KIR3DL2: variants seen among roughly 807,000 people sequenced by gnomAD.
The protein encoded by KIR3DL2 is killer cell immunoglobulin like receptor, three Ig domains and long cytoplasmic tail 2, also known as killer cell immunoglobulin-like receptor 3DL2.
KIR3DL2 carries 42 observed loss-of-function variants against 41.6 expected under a neutral mutation model. The ratio of observed to expected loss-of-function variants is 1.01; its 90% CI spans 0.79 to 1.31. KIR3DL2 has a LOEUF of 1.31. Ranked by LOEUF, KIR3DL2 falls within the 50% of genes most tolerant of loss-of-function variation. The pLI is 0.00. For synonymous variants in KIR3DL2, 230 were observed against 221.3 expected (o/e 1.04, Z -0.35); for missense variants, 728 against 576.8 (o/e 1.26, Z -2.68).
chr19:54,864,442 T>C (rs1314990749), intron 6 of KIR3DL2, among the ~76,000 whole-genome samples: 1 of 152,152 alleles, frequency 6.6e-6, no homozygotes, highest in Non-Finnish European at 1.5e-5. Flanking sequence ...ATAAATTACC[T>C]TGGGCAGTAT....
At chr19:54,854,442 T>C (rs2064568029) in intron 4 of KIR3DL2, among the ~76,000 whole-genome samples, 1 of 151,934 alleles carries the variant, frequency 6.6e-6, no homozygotes, top group East Asian at 1.9e-4. Context: ...ATTTCTGACC[T>C]GAGTTGGGCC....
intron 6 of KIR3DL2, among the ~76,000 whole-genome samples, chr19:54,862,802 C>CTTTTTTTTTTTTTTTTTT (rs1210198153): frequency 1.1e-4 from 9 of 79,774 alleles, no homozygotes; most frequent in African/African-American, 2.0e-4. Flanking sequence ...TGGGTTACTT[C>CTTTTTTTTTTTTTTTTTT]TTTTTTTTTT....
Position 54,867,061 on chromosome 19 carries a change from C to T in KIR3DL2, c.*330C>T, listed in dbSNP as rs1433306973. The T allele has an allele frequency of 5.4e-6, 2 of 367,016 alleles. No homozygotes were observed. The highest frequency in any genetic ancestry group is 8.9e-5 in the Admixed American group (2 of 22,456). 22.7% of individuals were successfully genotyped at this position (367,016 alleles called of 1,614,324 possible). Reference sequence around the variant, plus strand: ...CAAGAGGCTCCCTCTTAACACGGCACTTACACACTTGCTGTTCCACCTTCC... The same window carrying T: ...CAAGAGGCTCCCTCTTAACACGGCATTTACACACTTGCTGTTCCACCTTCC... On this transcript the variant is annotated 3_prime_UTR_variant, in exon 9 of 9. Transcript: ENST00000326321.
chr19:54,866,235 A>C (rs1199903542), intron 7 of KIR3DL2, 135 bp from the exon 8 acceptor site: 3 of 851,944 alleles, frequency 3.5e-6, no homozygotes, highest in Non-Finnish European at 5.7e-6. Context: ...AGAGAGATAG[A>C]ATGTCTGAGT....
chr19:54,855,912 G>A lies in KIR3DL2; in HGVS notation c.949G>A (p.Gly317Arg). The change falls in exon 5 of 9, where the codon GGA (glycine) becomes AGA (arginine). Residue 317 changes from glycine to arginine, a missense_variant and splice_region_variant. Physicochemically the swap from Gly to Arg is moderately radical, Grantham distance 125. Transcript: ENST00000326321. ...SSDPLLVSVT[G>R]NPSSSWPSPT... Reference sequence around the variant, plus strand: ...TGACCCACTGCTTGTTTCTGTCACAGGTGAGGAAAACCCGTGTCTGTCCCA... The same window carrying A: ...TGACCCACTGCTTGTTTCTGTCACAAGTGAGGAAAACCCGTGTCTGTCCCA... 1 of 1,613,514 alleles carries A rather than the reference G, an allele frequency of 6.2e-7. No homozygotes were observed.
At chr19:54,853,371 C>CA (rs142270272) in intron 3 of KIR3DL2, among the ~76,000 whole-genome samples, 12,823 of 128,206 alleles carry the variant, frequency 0.1, no homozygotes, top group South Asian at 0.19. Context: ...GAGTTGATAC[C>CA]TCTGCCAGAG....
In KIR3DL2 at chr19:54,866,800, A is replaced by G. The variant is rs2915991; in HGVS notation, c.*69A>G. On this transcript the variant is annotated 3_prime_UTR_variant, in exon 9 of 9. Coordinates refer to ENST00000326321, the MANE Select transcript of KIR3DL2 (RefSeq NM_006737.4). ...GAACCAGCAGCTGGAATCTGAAGGC[A>G]TCAGTCTGCATCTTAGGGGATCGCT... 56,148 of 1,498,144 alleles carry G rather than the reference A, an allele frequency of 0.037. 1,496 individuals carry two copies. Among genetic ancestry groups the G allele is most frequent in the East Asian group, 0.11 (4,992 of 44,176 alleles). 92.8% of individuals were successfully genotyped at this position (1,498,144 alleles called of 1,614,324 possible).
chr19:54,853,846 A>G lies in KIR3DL2; in HGVS notation c.455A>G (p.His152Arg). Residue 152 changes from histidine (H) to arginine (R), a missense_variant, in exon 4 of 9, where the codon CAC becomes CGC. His to Arg is a conservative substitution (Grantham distance 29). Coordinates refer to ENST00000326321, the MANE Select transcript of KIR3DL2 (RefSeq NM_006737.4). Reference sequence around the variant, plus strand: ...TGTTGGTCAGATGTCATGTTTGAGCACTTCTTTCTGCACAGAGAGGGGATC... The same window carrying G: ...TGTTGGTCAGATGTCATGTTTGAGCGCTTCTTTCTGCACAGAGAGGGGATC... The part of the protein sequence containing the change: ...LQCWSDVMFE[H>R]FFLHREGISE... The G allele has an allele frequency of 6.2e-7, 1 of 1,613,292 alleles. No individual in the cohort carries two copies. The highest frequency in any genetic ancestry group is 8.5e-7 in the Non-Finnish European group (1 of 1,179,742).
At chr19:54,866,041 C>T in intron 7 of KIR3DL2, 132 bp downstream of exon 7, 1 of 857,190 alleles carries the variant, frequency 1.2e-6, no homozygotes. Flanking sequence ...GCAGGGCTTT[C>T]TAGAGAGAGC....
Position 54,866,587 on chromosome 19 carries a change from G to C in KIR3DL2, c.1224G>C (p.Gln408His). The change falls in exon 9 of 9, where the codon CAG (glutamine) becomes CAC (histidine). Residue 408 changes from glutamine (Q) to histidine (H), a missense_variant. Physicochemically the swap from Gln to His is conservative, Grantham distance 24 (BLOSUM62 0). Transcript: ENST00000326321. ...AGTTGGATCACTGCGTTTTCATACAGAGAAAAATCAGTCGCCCTTCTCAGA... is the reference window on the plus strand; with the variant it reads ...AGTTGGATCACTGCGTTTTCATACACAGAAAAATCAGTCGCCCTTCTCAGA... ...YAQLDHCVFIQRKISRPSQRP... is the reference protein window; with the variant it reads ...YAQLDHCVFIHRKISRPSQRP... 6.2e-7 allele frequency: 1 copy of C among 1,614,006 alleles called. No homozygotes were observed. The highest frequency in any genetic ancestry group is 2.2e-5 in the East Asian group (1 of 44,882).
At chr19:54,864,172 T>C (rs1194199237) in intron 6 of KIR3DL2, among the ~76,000 whole-genome samples, 1 of 152,090 alleles carries the variant, frequency 6.6e-6, no homozygotes, top group Non-Finnish European at 1.5e-5. Context: ...GTTGTAGATA[T>C]GTGGCATTAT....
intron 7 of KIR3DL2, among the ~76,000 whole-genome samples, 170 bp from the exon 8 acceptor site, chr19:54,866,200 C>A (rs1435438329): frequency 1.3e-5 from 2 of 152,032 alleles, no homozygotes; most frequent in Non-Finnish European, 2.9e-5. Flanking sequence ...ATTGAGAGCA[C>A]TTCATGGGAT....
intron 3 of KIR3DL2, among the ~76,000 whole-genome samples, chr19:54,853,081 G>A (rs1372899583): frequency 4.0e-5 from 6 of 151,254 alleles, no homozygotes; most frequent in Non-Finnish European, 7.4e-5. Flanking sequence ...CTGCACTCCA[G>A]CCTGGGTGAA....
At chr19:54,850,961 T>TGGAGTGGAGATAG (rs2064172701) in intron 1 of KIR3DL2, among the ~76,000 whole-genome samples, 2 of 118,174 alleles carry the variant, frequency 1.7e-5, no homozygotes, top group East Asian at 2.9e-4. Context: ...AGTGGAGATA[T>TGGAGTGGAGATAG]GGGCCTGGAG....
Position 54,866,848 on chromosome 19 carries a change from A to G in KIR3DL2, c.*117A>G, listed in dbSNP as rs2065569884. The G allele has an allele frequency of 1.7e-6, 2 of 1,145,638 alleles. No individual in the cohort carries two copies. Among genetic ancestry groups the G allele is most frequent in the East Asian group, 4.7e-5 (2 of 42,332 alleles). The allele number at this position is 1,145,638 out of a possible 1,614,324, so 71.0% of individuals were successfully genotyped here. ...GCTCTTCCTCACACCACGAATCTGA[A>G]CATGCCTCTCTCTTGCTTACAAATG... On this transcript the variant is annotated 3_prime_UTR_variant, in exon 9 of 9. Transcript: ENST00000326321.
chr19:54,863,660 A>G (rs2145718626), intron 6 of KIR3DL2, among the ~76,000 whole-genome samples: 1 of 152,126 alleles, frequency 6.6e-6, no homozygotes, highest in South Asian at 2.1e-4. Context: ...TCTTCTTTTG[A>G]GAAGTGTCTG....
chr19:54,854,668 TC>T (rs2064591659), intron 4 of KIR3DL2, among the ~76,000 whole-genome samples: 1 of 151,528 alleles, frequency 6.6e-6, no homozygotes. Context: ...CAGAGATAAA[TC>T]AGGGACTTCA....
intron 6 of KIR3DL2, 110 bp from the exon 7 acceptor site, chr19:54,865,694 GC>G: frequency 1.1e-6 from 1 of 930,122 alleles, no homozygotes; most frequent in South Asian, 1.5e-5. Context: ...CCATCAGGCT[GC>G]TTGTCCTAAG....
At chr19:54,863,742 G>A (rs986080940) in intron 6 of KIR3DL2, among the ~76,000 whole-genome samples, 50 of 152,090 alleles carry the variant, frequency 3.3e-4, no homozygotes, top group African/African-American at 1.2e-3. Context: ...GTTCATTGTA[G>A]ATTCTGGATA....
Sources: allele counts gnomAD v4.1 joint callset (sites outside exome capture counted in the v4.1 genomes callset), GRCh38; gene constraint gnomAD v4.1.1; transcripts MANE v1.5; gene names NCBI Gene and HGNC (gene_info 2026-07-23, HGNC 2026-07-21).